The following NKAIN2 variants were observed in gnomAD, a reference collection of about 807,000 sequenced individuals.
NKAIN2 encodes the protein sodium/potassium transporting ATPase interacting 2, also known as sodium/potassium-transporting ATPase subunit beta-1-interacting protein 2.
In NKAIN2, 14 loss-of-function variants were observed where a neutral mutation model predicts 32.6. The observed-to-expected ratio is 0.43, with a 90% CI of 0.28 to 0.67. NKAIN2 has a LOEUF of 0.67. Among genes scored for constraint, NKAIN2 ranks in the 30% least tolerant of loss-of-function variants. The pLI is 0.17. For synonymous variants in NKAIN2, 80 were observed against 87.2 expected, an observed-to-expected ratio of 0.92 and a Z score of 0.46; for missense variants, 198 against 258.3, an observed-to-expected ratio of 0.77 and a Z score of 1.60.
chr6:124,448,007 A>T (rs1292098438), intron 3 of NKAIN2, among the ~76,000 whole-genome samples: 1 of 152,040 alleles, frequency 6.6e-6, no homozygotes, highest in Non-Finnish European at 1.5e-5. Context: ...GTTTCTCTAG[A>T]GCATGGATGT....
At chr6:123,906,276 T>A (rs1189253243) in intron 1 of NKAIN2, among the ~76,000 whole-genome samples, 3 of 151,984 alleles carry the variant, frequency 2.0e-5, no homozygotes, top group Non-Finnish European at 4.4e-5. Context: ...TTCTTCTTCT[T>A]CTTCTACTTT....
At chr6:124,793,679 C>CAAA (rs60417104) in intron 5 of NKAIN2, among the ~76,000 whole-genome samples, 1 of 142,708 alleles carries the variant, frequency 7.0e-6, no homozygotes, top group African/African-American at 2.7e-5. Context: ...ACATACTGCT[C>CAAA]AAAAAAAAAA....
chr6:124,232,030 G>A (rs147161190), intron 1 of NKAIN2, among the ~76,000 whole-genome samples: 1,878 of 152,056 alleles, frequency 0.012, 28 homozygotes, highest in Non-Finnish European at 0.015. Flanking sequence ...TTTAAACTCC[G>A]TTCTTGTAGG....
chr6:124,410,350 A>T (rs1774101503), intron 3 of NKAIN2, among the ~76,000 whole-genome samples: 1 of 152,182 alleles, frequency 6.6e-6, no homozygotes, highest in East Asian at 1.9e-4. Flanking sequence ...ATTTCCCTCT[A>T]CACACTGCTT....
intron 1 of NKAIN2, among the ~76,000 whole-genome samples, chr6:124,118,598 G>A (rs1384742817): frequency 1.3e-5 from 2 of 151,998 alleles, no homozygotes; most frequent in African/African-American, 2.4e-5. Context: ...ATTATTGTAG[G>A]CATTCTTCTT....
At chr6:123,865,142 C>T (rs1399720551) in intron 1 of NKAIN2, among the ~76,000 whole-genome samples, 2 of 152,082 alleles carry the variant, frequency 1.3e-5, no homozygotes, top group African/African-American at 2.4e-5. Context: ...AACACAGCTT[C>T]TTTCAATGTG....
In NKAIN2 at chr6:124,274,982, A is replaced by G. The variant is rs144454287; in HGVS notation, c.55-8023A>G. Among the ~76,000 whole-genome samples the G allele has an allele frequency of 1.8e-3, 268 of 152,230 alleles. 2 individuals are homozygous for G. The highest frequency in any genetic ancestry group is 0.013 in the South Asian group (63 of 4,828). ...CACATGACTTGTTAAGCTCAATTAA[A>G]CAAAAAACAAACAATATTTTTGTGC... On this transcript the variant is annotated intron_variant, in intron 1 of 6. Transcript: ENST00000368417.
In NKAIN2 at chr6:124,025,702, CGTAA is replaced by C. The variant is rs1781077645; in HGVS notation, c.54+221451_54+221454del. ...ATTTAAGTGTTCTTACCACAATAGA[CGTAA>C]GTGTGTGAGGTGATGGATATGTTAA... is the stretch of plus-strand genomic sequence containing the variant. On this transcript the variant is annotated intron_variant, in intron 1 of 6. Transcript: ENST00000368417. Among the ~76,000 whole-genome samples, 7 of 152,252 alleles carry C rather than the reference CGTAA, an allele frequency of 4.6e-5. No individual in the cohort carries two copies. In the South Asian group the frequency reaches 1.4e-3, roughly 32 times the overall value.
intron 5 of NKAIN2, among the ~76,000 whole-genome samples, chr6:124,800,748 A>C (rs893224859): frequency 1.3e-5 from 2 of 152,122 alleles, no homozygotes; most frequent in African/African-American, 4.8e-5. Context: ...CAAAGTGGGA[A>C]TTTCAATTCA....
intron 3 of NKAIN2, among the ~76,000 whole-genome samples, chr6:124,466,220 G>C (rs114017938): frequency 6.6e-6 from 1 of 151,986 alleles, no homozygotes; most frequent in African/African-American, 2.4e-5. Flanking sequence ...TATAAAAGAG[G>C]ATCACTTATA....
At chr6:124,022,486 G>T (rs1264875491) in intron 1 of NKAIN2, among the ~76,000 whole-genome samples, 1 of 152,118 alleles carries the variant, frequency 6.6e-6, no homozygotes, top group Non-Finnish European at 1.5e-5. Flanking sequence ...TTCCACAATG[G>T]TTGAACTAGT....
chr6:123,851,741 G>A lies in NKAIN2; in HGVS notation c.54+47487G>A, dbSNP rs114961508. Among the ~76,000 whole-genome samples, 794 of 152,042 alleles carry A rather than the reference G, an allele frequency of 5.2e-3. 5 individuals are homozygous for A. The highest frequency in any genetic ancestry group is 0.019 in the African/African-American group (770 of 41,474). Reference sequence around the variant, plus strand: ...AAATATACTTGTTGGCCATTTGTACGTCATCTTTTGCGAAATGTCTATTCA... The same window carrying A: ...AAATATACTTGTTGGCCATTTGTACATCATCTTTTGCGAAATGTCTATTCA... On this transcript the variant is annotated intron_variant, in intron 1 of 6. Transcript: ENST00000368417.
chr6:123,935,795 T>G (rs1317647118), intron 1 of NKAIN2, among the ~76,000 whole-genome samples: 1 of 152,140 alleles, frequency 6.6e-6, no homozygotes, highest in Non-Finnish European at 1.5e-5. Context: ...ATGGAAACTG[T>G]GCTACATTTA....
In NKAIN2 at chr6:124,586,971, A is replaced by G. The variant is rs189674033; in HGVS notation, c.274-71215A>G. ...ATTTATACAACTCCTCTTATATTAC[A>G]TTTTGGAAAAGGCAAAACTTCAAGG... On this transcript the variant is annotated intron_variant, in intron 3 of 6. Coordinates refer to ENST00000368417, the MANE Select transcript of NKAIN2 (RefSeq NM_001040214.3). Among the ~76,000 whole-genome samples the G allele has an allele frequency of 4.4e-3, 666 of 152,314 alleles. 3 individuals are homozygous for G. The highest frequency in any genetic ancestry group is 0.013 in the South Asian group (65 of 4,826).
chr6:124,564,836 G>A (rs531493111), intron 3 of NKAIN2, among the ~76,000 whole-genome samples: 1 of 152,140 alleles, frequency 6.6e-6, no homozygotes, highest in Non-Finnish European at 1.5e-5. Flanking sequence ...TTGCAGAAAG[G>A]CAAGACCCGA....
intron 3 of NKAIN2, among the ~76,000 whole-genome samples, chr6:124,497,556 A>T (rs1004048406): frequency 1.3e-5 from 2 of 152,166 alleles, no homozygotes; most frequent in Admixed American, 6.5e-5. Flanking sequence ...ATAAATCAGT[A>T]ACAAAAAGAT....
At chr6:123,910,097 A>C (rs933785748) in intron 1 of NKAIN2, among the ~76,000 whole-genome samples, 1 of 152,188 alleles carries the variant, frequency 6.6e-6, no homozygotes, top group Non-Finnish European at 1.5e-5. Context: ...TCTTATCATT[A>C]GAGAGTCACA....
chr6:124,679,141 GCCCA>G (rs1773501470), intron 4 of NKAIN2, among the ~76,000 whole-genome samples: 1 of 151,994 alleles, frequency 6.6e-6, no homozygotes, highest in Non-Finnish European at 1.5e-5. Flanking sequence ...TCCCTGGACA[GCCCA>G]CCCCCAAAAA....
chr6:123,836,475 A>G (rs776461870), intron 1 of NKAIN2, among the ~76,000 whole-genome samples: 24 of 152,004 alleles, frequency 1.6e-4, no homozygotes, highest in Non-Finnish European at 2.9e-4. Context: ...CATGAGAAAA[A>G]CAGGAGGTAA....
Sources: gnomAD v4.1 joint callset for allele counts (sites outside exome capture counted in the v4.1 genomes callset) on GRCh38, gnomAD v4.1.1 for gene constraint, MANE v1.5 for transcripts, NCBI Gene and HGNC (gene_info 2026-07-23, HGNC 2026-07-21) for gene names.